CNTNAP2: variants seen among roughly 807,000 people sequenced by gnomAD.
The protein encoded by CNTNAP2 is contactin-associated protein-like 2.
Under a neutral mutation model 155.2 loss-of-function variants are expected in CNTNAP2, and 98 were observed. That is an observed-to-expected ratio of 0.63 (90% CI 0.54 to 0.75). The LOEUF (loss-of-function observed/expected upper bound fraction) is 0.75, where lower values mean the gene tolerates loss of function less well. Ranked by LOEUF, CNTNAP2 falls within the 30% of genes least tolerant of loss-of-function variation. The pLI is 0.00. For missense variants in CNTNAP2, 1,727 were observed against 1,688.1 expected, an observed-to-expected ratio of 1.02 and a Z score of -0.40; for synonymous variants, 651 against 631.2, an observed-to-expected ratio of 1.03 and a Z score of -0.47.
chr7:147,870,507 C>G (rs747286875), intron 13 of CNTNAP2, among the ~76,000 whole-genome samples: 19 of 152,152 alleles, frequency 1.2e-4, no homozygotes, highest in Non-Finnish European at 2.6e-4. Flanking sequence ...CATTCACACT[C>G]CTGCACCAGG....
intron 1 of CNTNAP2, among the ~76,000 whole-genome samples, chr7:146,242,545 A>AT (rs911382139): frequency 6.6e-6 from 1 of 151,934 alleles, no homozygotes; most frequent in Admixed American, 6.6e-5. Context: ...CTCAAAAAAA[A>AT]AAAAGGAGAG....
intron 8 of CNTNAP2, among the ~76,000 whole-genome samples, chr7:147,241,583 G>C (rs927896377): frequency 5.3e-5 from 8 of 149,874 alleles, no homozygotes; most frequent in Admixed American, 3.3e-4. Context: ...AGCCGAGATC[G>C]TGCCATTGCA....
At chr7:148,143,945 T>C (rs1805125476) in intron 16 of CNTNAP2, among the ~76,000 whole-genome samples, 1 of 152,212 alleles carries the variant, frequency 6.6e-6, no homozygotes, top group Non-Finnish European at 1.5e-5. Context: ...GAGCCTGGAA[T>C]TGCCATCTTT....
At chr7:147,572,884 T>C (rs1407306442) in intron 12 of CNTNAP2, among the ~76,000 whole-genome samples, 1 of 152,194 alleles carries the variant, frequency 6.6e-6, no homozygotes, top group Non-Finnish European at 1.5e-5. Flanking sequence ...CTCCAAACTT[T>C]AGGTTTTTCC....
intron 10 of CNTNAP2, among the ~76,000 whole-genome samples, chr7:147,475,331 T>C (rs752226237): frequency 4.6e-5 from 7 of 152,180 alleles, no homozygotes; most frequent in Non-Finnish European, 1.0e-4. Flanking sequence ...TGCACTCTGA[T>C]CAAAAGTGCA....
intron 3 of CNTNAP2, among the ~76,000 whole-genome samples, chr7:147,019,644 C>A (rs1798785666): frequency 6.6e-6 from 1 of 151,970 alleles, no homozygotes; most frequent in Admixed American, 6.6e-5. Flanking sequence ...CTGCCTATTG[C>A]ATGTAAGGCA....
At chr7:146,285,133 A>T (rs751616639) in intron 1 of CNTNAP2, among the ~76,000 whole-genome samples, 1 of 152,212 alleles carries the variant, frequency 6.6e-6, no homozygotes, top group Non-Finnish European at 1.5e-5. Context: ...ACAAAGAGGA[A>T]CATAATTTGC....
chr7:146,233,286 CTT>C (rs991248352), intron 1 of CNTNAP2, among the ~76,000 whole-genome samples: 2 of 152,032 alleles, frequency 1.3e-5, no homozygotes, highest in African/African-American at 4.8e-5. Flanking sequence ...CAGAAGGTAA[CTT>C]AATTCACCTT....
intron 1 of CNTNAP2, among the ~76,000 whole-genome samples, chr7:146,342,114 A>T (rs923238792): frequency 6.6e-6 from 1 of 152,246 alleles, no homozygotes; most frequent in Non-Finnish European, 1.5e-5. Flanking sequence ...TATGCTTGCC[A>T]TTTACCTGTG....
At chr7:148,075,953 T>C (rs1444734423) in intron 15 of CNTNAP2, among the ~76,000 whole-genome samples, 1 of 152,220 alleles carries the variant, frequency 6.6e-6, no homozygotes, top group East Asian at 1.9e-4. Flanking sequence ...TGTCTCTGAA[T>C]TCTGTGATGT....
intron 4 of CNTNAP2, chr7:147,081,175 G>T (rs544734579): frequency 6.6e-6 from 1 of 152,000 alleles, no homozygotes; most frequent in Non-Finnish European, 1.5e-5. Flanking sequence ...CCTTAGTATC[G>T]GATTGTTGAG....
chr7:147,081,044 C>G (rs1800114985), intron 4 of CNTNAP2: 1 of 152,072 alleles, frequency 6.6e-6, no homozygotes, highest in Non-Finnish European at 1.5e-5. Flanking sequence ...AACTCCTGAT[C>G]CTGTCTTAAG....
chr7:147,886,928 A>G (rs972508032), intron 13 of CNTNAP2, among the ~76,000 whole-genome samples: 5 of 152,116 alleles, frequency 3.3e-5, no homozygotes, highest in Non-Finnish European at 7.4e-5. Context: ...CATCCTACTA[A>G]TGTCCTTTTA....
At chr7:147,848,366 G>GC (rs1798852829) in intron 13 of CNTNAP2, among the ~76,000 whole-genome samples, 1 of 150,396 alleles carries the variant, frequency 6.6e-6, no homozygotes, top group Non-Finnish European at 1.5e-5. Flanking sequence ...TTTTCCAGGT[G>GC]CGTCCGTCAC....
At chr7:146,564,087 C>T (rs1456117451) in intron 1 of CNTNAP2, among the ~76,000 whole-genome samples, 2 of 152,124 alleles carry the variant, frequency 1.3e-5, no homozygotes, top group African/African-American at 4.8e-5. Flanking sequence ...ATTTAATCAA[C>T]TAATCAGAAA....
chr7:147,328,511 A>G (rs926420674), intron 9 of CNTNAP2, among the ~76,000 whole-genome samples: 2 of 152,188 alleles, frequency 1.3e-5, no homozygotes, highest in African/African-American at 2.4e-5. Flanking sequence ...TGAATCGACT[A>G]TTTAGAGGGC....
intron 1 of CNTNAP2, among the ~76,000 whole-genome samples, chr7:146,308,098 C>G (rs1342212269): frequency 3.3e-5 from 5 of 152,126 alleles, no homozygotes; most frequent in Admixed American, 2.0e-4. Context: ...GGCTAATATC[C>G]AGAATCTACA....
intron 1 of CNTNAP2, among the ~76,000 whole-genome samples, chr7:146,622,144 CACACACGTATAT>C (rs1799329309): frequency 1.5e-5 from 2 of 135,784 alleles, no homozygotes; most frequent in African/African-American, 5.7e-5. Flanking sequence ...TATATATATA[CACACACGTATAT>C]ATATATACAC....
intron 1 of CNTNAP2, among the ~76,000 whole-genome samples, chr7:146,585,174 T>C (rs1271065849): frequency 2.0e-5 from 3 of 152,148 alleles, no homozygotes; most frequent in African/African-American, 4.8e-5. Context: ...CAGACTGGAG[T>C]GCAGTGGCAC....
Sources: allele counts gnomAD v4.1 joint callset (sites outside exome capture counted in the v4.1 genomes callset), GRCh38; gene constraint gnomAD v4.1.1; transcripts MANE v1.5; gene names NCBI Gene and HGNC (gene_info 2026-07-23, HGNC 2026-07-21).